TNFRSF10B: variants seen among roughly 807,000 people sequenced by gnomAD.
TNFRSF10B encodes the protein TNF receptor superfamily member 10b, also known as tumor necrosis factor receptor superfamily member 10B.
In TNFRSF10B, 35 loss-of-function variants were observed where a neutral mutation model predicts 41.4. The observed-to-expected ratio is 0.85, with a 90% CI of 0.65 to 1.12. The LOEUF is 1.12. Among genes scored for constraint, TNFRSF10B ranks in the 50% most tolerant of loss-of-function variants. The probability of loss-of-function intolerance (pLI) is 0.00; values close to 1 mark genes in which losing one functional copy is unlikely to be tolerated. For missense variants in TNFRSF10B, 584 were observed against 552.7 expected, an observed-to-expected ratio of 1.06 and a Z score of -0.57; for synonymous variants, 230 against 215.5, an observed-to-expected ratio of 1.07 and a Z score of -0.59.
chr8:23,060,391 A>G (rs1812799018), intron 1 of TNFRSF10B, among the ~76,000 whole-genome samples: 1 of 152,200 alleles, frequency 6.6e-6, no homozygotes, highest in South Asian at 2.1e-4. Context: ...TTCATTGAAA[A>G]GACGGCCCTT....
chr8:23,022,598 C>G lies in TNFRSF10B; in HGVS notation c.*73G>C. On this transcript the variant is annotated 3_prime_UTR_variant, in exon 9 of 9. Coordinates refer to ENST00000276431, the MANE Select transcript of TNFRSF10B (RefSeq NM_003842.5). The stretch of plus-strand genomic sequence containing the variant: ...GACAATTGTGGCACTTTCCTACTGA[C>G]TGGAGTCCAGTTGGGCTTTTTCCAG... 3 of 1,543,352 alleles carry G rather than the reference C, an allele frequency of 1.9e-6. No homozygotes were observed. The Admixed American group carries it at 5.2e-5, about 27-fold the overall frequency.
intron 1 of TNFRSF10B, among the ~76,000 whole-genome samples, chr8:23,067,507 A>G (rs776475172): frequency 2.0e-5 from 3 of 152,096 alleles, no homozygotes; most frequent in Non-Finnish European, 4.4e-5. Context: ...GCTAAGAAAA[A>G]TCTTTAAAAG....
At chr8:23,026,175 G>C (rs1811696877) in intron 7 of TNFRSF10B, among the ~76,000 whole-genome samples, 1 of 152,288 alleles carries the variant, frequency 6.6e-6, no homozygotes, top group Non-Finnish European at 1.5e-5. Flanking sequence ...TAAAAAGAAA[G>C]TGGTACAGAT....
chr8:23,060,974 G>A (rs1000913183), intron 1 of TNFRSF10B, among the ~76,000 whole-genome samples: 1 of 151,904 alleles, frequency 6.6e-6, no homozygotes, highest in Non-Finnish European at 1.5e-5. Flanking sequence ...AGTTGATTTT[G>A]TATTCCGCTT....
chr8:23,056,245 A>G (rs1001048907), intron 1 of TNFRSF10B, among the ~76,000 whole-genome samples: 5 of 152,232 alleles, frequency 3.3e-5, no homozygotes, highest in Non-Finnish European at 5.9e-5. Flanking sequence ...CATCAGCTTT[A>G]AAACTATAAA....
At chr8:23,041,980 A>G (rs1812215098) in intron 2 of TNFRSF10B, among the ~76,000 whole-genome samples, 1 of 152,180 alleles carries the variant, frequency 6.6e-6, no homozygotes, top group Non-Finnish European at 1.5e-5. Flanking sequence ...CCTATGTGCT[A>G]GGGTCCCCAA....
At chr8:23,064,761 A>C (rs1469255499) in intron 1 of TNFRSF10B, among the ~76,000 whole-genome samples, 1 of 152,170 alleles carries the variant, frequency 6.6e-6, no homozygotes, top group African/African-American at 2.4e-5. Flanking sequence ...TCTCTGAGTC[A>C]CCCACATCCT....
chr8:23,054,484 A>G (rs1812607424), intron 1 of TNFRSF10B, among the ~76,000 whole-genome samples: 1 of 152,220 alleles, frequency 6.6e-6, no homozygotes, highest in Non-Finnish European at 1.5e-5. Context: ...TTATGGCAAT[A>G]TAGTTATTTG....
rs917427472 is a variant in TNFRSF10B, at chr8:23,028,453, C to A, written c.626G>T (p.Cys209Phe). ...TSSPGTPASP[C>F]SLSGIIIGVT... ...TCCTATGATGATGCCTGAGAGAGAA[C>A]AGGGAGAGGCAGGAGTCCCTGGGCT... Residue 209 changes from cysteine (C) to phenylalanine (F), a missense_variant, in exon 5 of 9, where the codon TGT (cysteine) becomes TTT (phenylalanine). By Grantham distance (205) the Cys-to-Phe change is radical. Coordinates refer to ENST00000276431, the MANE Select transcript of TNFRSF10B (RefSeq NM_003842.5). 6.2e-7 allele frequency: 1 copy of A among 1,614,174 alleles called. No homozygotes were observed. The highest frequency in any genetic ancestry group is 8.5e-7 in the Non-Finnish European group (1 of 1,180,010).
At chr8:23,042,666 A>G (rs1336087470) in intron 2 of TNFRSF10B, among the ~76,000 whole-genome samples, 1 of 152,186 alleles carries the variant, frequency 6.6e-6, no homozygotes, top group East Asian at 1.9e-4. Flanking sequence ...CTCATGAAAT[A>G]AAATCCAGCT....
chr8:23,068,791 G>T lies in TNFRSF10B; in HGVS notation c.104C>A (p.Pro35His). The T allele has an allele frequency of 4.4e-6, 7 of 1,607,814 alleles. No homozygotes were observed. Among genetic ancestry groups the T allele is most frequent in the Non-Finnish European group, 5.1e-6 (6 of 1,177,616 alleles). ...ARGARPGPRV[P>H]KTLVLVVAAV... ...GGCGACAACGAGCACAAGGGTCTTG[G>T]GGACCCGGGGCCCAGGCCTGGCTCC... Residue 35 changes from proline (P) to histidine (H), a missense_variant, in exon 1 of 9, where the codon CCC becomes CAC. Pro to His is a moderately conservative substitution (Grantham distance 77, BLOSUM62 -2). Transcript: ENST00000276431.
At chr8:23,024,860 G>A (rs1464057573) in intron 7 of TNFRSF10B, among the ~76,000 whole-genome samples, 2 of 152,060 alleles carry the variant, frequency 1.3e-5, no homozygotes, top group East Asian at 2.0e-4. Flanking sequence ...ACATAGCAGA[G>A]GCCAGGCATG....
At chr8:23,034,433 A>T (rs1374333627) in intron 2 of TNFRSF10B, among the ~76,000 whole-genome samples, 3 of 152,124 alleles carry the variant, frequency 2.0e-5, no homozygotes, top group Non-Finnish European at 2.9e-5. Flanking sequence ...ATAGTAAATC[A>T]AAAGCAATAC....
intron 1 of TNFRSF10B, among the ~76,000 whole-genome samples, chr8:23,059,174 A>T (rs1812753616): frequency 6.6e-6 from 1 of 152,168 alleles, no homozygotes; most frequent in African/African-American, 2.4e-5. Context: ...ATGTGCCAGT[A>T]TTTCCTTCCT....
chr8:23,031,333 C>G (rs2128812582), intron 2 of TNFRSF10B, among the ~76,000 whole-genome samples: 1 of 152,126 alleles, frequency 6.6e-6, no homozygotes, highest in East Asian at 1.9e-4. Flanking sequence ...GCCTAGGCCT[C>G]CCAAAGTGCT....
chr8:23,038,893 C>A (rs1217189034), intron 2 of TNFRSF10B, among the ~76,000 whole-genome samples: 1 of 151,896 alleles, frequency 6.6e-6, no homozygotes, highest in East Asian at 1.9e-4. Flanking sequence ...GAGTTGGGGG[C>A]ATGGGGATGG....
chr8:23,057,429 ATTTTT>A (rs201997985), intron 1 of TNFRSF10B, among the ~76,000 whole-genome samples: 1 of 115,616 alleles, frequency 8.6e-6, no homozygotes, highest in African/African-American at 3.4e-5. Flanking sequence ...GAATTCTGTA[ATTTTT>A]TTTTTTTTTT....
intron 1 of TNFRSF10B, among the ~76,000 whole-genome samples, chr8:23,063,669 G>A (rs139419635): frequency 5.3e-5 from 8 of 152,054 alleles, no homozygotes; most frequent in Non-Finnish European, 7.4e-5. Flanking sequence ...CCTCCTTCAC[G>A]ATAATGCAAC....
chr8:23,022,076 T>G lies in TNFRSF10B; in HGVS notation c.*595A>C, dbSNP rs545619864. ...GAATTCGAGACCACCCTGAGCAACA[T>G]AGAGAGCCCCTATATCTAGACAAAA... On this transcript the variant is annotated 3_prime_UTR_variant, in exon 9 of 9. Transcript: ENST00000276431. 3.0e-5 allele frequency: 13 copies of G among 436,004 alleles called. No homozygotes were observed. Among genetic ancestry groups the G allele is most frequent in the South Asian group, 2.0e-4 (12 of 61,432 alleles). The allele number at this position is 436,004 out of a possible 1,614,324, so 27.0% of individuals were successfully genotyped here. A position where few individuals can be genotyped will look rare whatever the true frequency, so the allele number is the denominator to read the frequency against.
Sources: gnomAD v4.1 joint callset for allele counts (sites outside exome capture counted in the v4.1 genomes callset) on GRCh38, gnomAD v4.1.1 for gene constraint, MANE v1.5 for transcripts, NCBI Gene and HGNC (gene_info 2026-07-23, HGNC 2026-07-21) for gene names.